PRKCZ: variants seen among roughly 807,000 people sequenced by gnomAD.
PRKCZ encodes the protein protein kinase C zeta type.
PRKCZ carries 33 observed loss-of-function variants against 79.5 expected under a neutral mutation model. The ratio of observed to expected loss-of-function variants is 0.41; its 90% CI spans 0.31 to 0.55. The LOEUF (loss-of-function observed/expected upper bound fraction) is 0.55, where lower values mean the gene tolerates loss of function less well. Ranked by LOEUF, PRKCZ falls within the 20% of genes least tolerant of loss-of-function variation. The probability of loss-of-function intolerance (pLI) is 0.19; values close to 1 mark genes in which losing one functional copy is unlikely to be tolerated. For missense variants in PRKCZ, 578 were observed against 813.5 expected (o/e 0.71, Z 3.52); for synonymous variants, 342 against 320.9 (o/e 1.07, Z -0.70).
intron 4 of PRKCZ, among the ~76,000 whole-genome samples, chr1:2,110,767 G>A (rs1669577088): frequency 1.3e-5 from 2 of 152,008 alleles, no homozygotes; most frequent in Admixed American, 6.6e-5. Context: ...GCAGCGGAGT[G>A]AAGGGGGCTG....
chr1:2,048,814 C>T (rs561442226), upstream of PRKCZ, among the ~76,000 whole-genome samples: 68 of 152,218 alleles, frequency 4.5e-4, no homozygotes, highest in African/African-American at 1.4e-3. Flanking sequence ...AGCTGGAACC[C>T]GGGGCCAGGG....
Position 2,111,864 on chromosome 1 carries a change from AC to A in PRKCZ, c.335-23396del, listed in dbSNP as rs1669806766. 2.0e-5 allele frequency: 3 copies of A among 152,244 alleles called. No homozygotes were observed. In the South Asian group the frequency reaches 6.2e-4, roughly 32 times the overall value. The allele number at this position is 152,244 out of a possible 1,614,324, so 9.4% of individuals were successfully genotyped here. A position where few individuals can be genotyped will look rare whatever the true frequency, so the allele number is the denominator to read the frequency against. ...CGGCCTCCTGACCGACCGTCCATCC[AC>A]CACCAGGCTTCTGGATGTTCACCCA... On this transcript the variant is annotated intron_variant, in intron 4 of 17. Coordinates refer to ENST00000378567, the MANE Select transcript of PRKCZ (RefSeq NM_002744.6).
intron 4 of PRKCZ, among the ~76,000 whole-genome samples, chr1:2,087,949 C>T (rs377107219): frequency 2.5e-4 from 38 of 152,340 alleles, no homozygotes; most frequent in Admixed American, 6.5e-4. Context: ...AACGCTGGGA[C>T]GGCGTGAGGG....
chr1:2,172,518 C>G lies in PRKCZ; in HGVS notation c.1285+130C>G. On this transcript the variant is annotated intron_variant, in intron 13 of 17. Coordinates refer to ENST00000378567, the MANE Select transcript of PRKCZ (RefSeq NM_002744.6). This position sits in a 1 kb window ranked among gnomAD's most constrained non-coding sequence, Gnocchi z 7.8. Reference sequence around the variant, plus strand: ...AAAGCCACACACTGTCTTTCCCAGCCGGATGTCATCATCTGGCCTCAGCCC... The same window carrying G: ...AAAGCCACACACTGTCTTTCCCAGCGGGATGTCATCATCTGGCCTCAGCCC... The G allele has an allele frequency of 1.9e-6, 2 of 1,058,182 alleles. No homozygotes were observed. The highest frequency in any genetic ancestry group is 2.7e-6 in the Non-Finnish European group (2 of 752,226). 65.5% of individuals were successfully genotyped at this position (1,058,182 alleles called of 1,614,324 possible). A position where few individuals can be genotyped will look rare whatever the true frequency, so the allele number is the denominator to read the frequency against.
intron 10 of PRKCZ, among the ~76,000 whole-genome samples, chr1:2,167,095 G>A (rs2103433827): frequency 6.6e-6 from 1 of 152,316 alleles, no homozygotes; most frequent in Admixed American, 6.5e-5. Flanking sequence ...GTAGCATTAA[G>A]GTTTTTCTGT....
At chr1:2,181,888 C>T in intron 16 of PRKCZ, 1 of 456,514 alleles carries the variant, frequency 2.2e-6, no homozygotes. Context: ...CTTGTGTCCC[C>T]ACAATCCTGC....
intron 4 of PRKCZ, among the ~76,000 whole-genome samples, chr1:2,086,032 T>C (rs1664461600): frequency 6.6e-6 from 1 of 151,532 alleles, no homozygotes; most frequent in Non-Finnish European, 1.5e-5. Flanking sequence ...AAGGATTTTC[T>C]AAAAACTGGG....
chr1:2,154,681 G>T (rs1052389048), intron 9 of PRKCZ, among the ~76,000 whole-genome samples: 1 of 152,196 alleles, frequency 6.6e-6, no homozygotes, highest in Non-Finnish European at 1.5e-5. Flanking sequence ...CTATTTTGAC[G>T]CATTTCTTTC....
intron 3 of PRKCZ, among the ~76,000 whole-genome samples, chr1:2,057,787 C>T (rs1258626598): frequency 1.3e-5 from 2 of 152,182 alleles, no homozygotes; most frequent in African/African-American, 2.4e-5. Context: ...TCACTGCAAC[C>T]TCCACCTCCC....
At chr1:2,097,140 C>G (rs115928411) in intron 4 of PRKCZ, among the ~76,000 whole-genome samples, 1,776 of 152,342 alleles carry the variant, frequency 0.012, 31 homozygotes, top group African/African-American at 0.041. Context: ...GGGGCCACAG[C>G]TGGCCCTTGG....
rs983139591 is a variant in PRKCZ at position 2,165,043 on chromosome 1, C to T, written c.975-4475C>T. Among the ~76,000 whole-genome samples, 1 of 152,228 alleles carries T rather than the reference C, an allele frequency of 6.6e-6. No homozygotes were observed. Among genetic ancestry groups the T allele is most frequent in the East Asian group, 1.9e-4 (1 of 5,192 alleles). On this transcript the variant is annotated intron_variant, in intron 10 of 17. Coordinates refer to ENST00000378567, the MANE Select transcript of PRKCZ (RefSeq NM_002744.6). This position sits in a 1 kb window ranked among gnomAD's most constrained non-coding sequence, Gnocchi z 4.1. ...CCCATTGTCGCTGGGACACACTGCC[C>T]TCCAGTGCTCGAGTGCATTTCCTGG...
chr1:2,183,120 A>G (rs1686953560), intron 16 of PRKCZ, among the ~76,000 whole-genome samples: 1 of 152,156 alleles, frequency 6.6e-6, no homozygotes, highest in Admixed American at 6.5e-5. Context: ...ACTCCCAGCT[A>G]CTCAGAAGGC....
At chr1:2,074,140 C>T in intron 4 of PRKCZ, 1 of 1,541,000 alleles carries the variant, frequency 6.5e-7, no homozygotes, top group South Asian at 1.2e-5. Context: ...GCAGCAGCTC[C>T]CAGCAATGTC....
In PRKCZ at chr1:2,173,262, G is replaced by A. The variant is rs1261011366; in HGVS notation, c.1286-635G>A. On this transcript the variant is annotated intron_variant, in intron 13 of 17. Transcript: ENST00000378567. The surrounding 1 kb of genome is among the most constrained non-coding windows in gnomAD (Gnocchi z 5.7). ...CCCAGCGGCCACAATGGAAGTCTCAGTAGCCAGAGAAGGACAGACAGCAGA... is the reference window on the plus strand; with the variant it reads ...CCCAGCGGCCACAATGGAAGTCTCAATAGCCAGAGAAGGACAGACAGCAGA... 6.6e-6 allele frequency among the ~76,000 whole-genome samples: 1 copy of A among 152,202 alleles called. No homozygotes were observed. The highest frequency in any genetic ancestry group is 1.9e-4 in the East Asian group (1 of 5,200).
At chr1:2,147,141 C>T (rs1390573220) in intron 7 of PRKCZ, among the ~76,000 whole-genome samples, 1 of 151,688 alleles carries the variant, frequency 6.6e-6, no homozygotes, top group Non-Finnish European at 1.5e-5. Context: ...ATCTATTGTC[C>T]ACTGACCTCT....
At chr1:2,120,839 CTTT>C (rs35674338) in intron 4 of PRKCZ, among the ~76,000 whole-genome samples, 33 of 103,060 alleles carry the variant, frequency 3.2e-4, no homozygotes, top group Admixed American at 8.4e-4. Context: ...CCATTTGATT[CTTT>C]TTTTTTTTTT....
At chr1:2,184,236 C>A in intron 16 of PRKCZ, 1 of 288,698 alleles carries the variant, frequency 3.5e-6, no homozygotes, top group Non-Finnish European at 6.7e-6. Context: ...GGTTCCAAGA[C>A]GTCATGAGAC....
intron 4 of PRKCZ, among the ~76,000 whole-genome samples, chr1:2,061,521 A>G (rs1223113680): frequency 1.3e-5 from 2 of 152,122 alleles, no homozygotes; most frequent in Non-Finnish European, 2.9e-5. Flanking sequence ...GCCCCGAGGA[A>G]GGACCTCCTG....
chr1:2,171,006 A>G (rs779250523), intron 11 of PRKCZ, among the ~76,000 whole-genome samples: 100 of 152,140 alleles, frequency 6.6e-4, no homozygotes, highest in Non-Finnish European at 1.3e-3. Context: ...TGGGGTATAC[A>G]CCCAGAAACT....
Sources: allele counts gnomAD v4.1 joint callset (sites outside exome capture counted in the v4.1 genomes callset), GRCh38; gene constraint gnomAD v4.1.1; non-coding constraint Gnocchi (gnomAD v3.1); transcripts MANE v1.5; gene names NCBI Gene and HGNC (gene_info 2026-07-23, HGNC 2026-07-21).